Variants in ATRN observed in about 807,000 individuals in gnomAD.
The protein encoded by ATRN is attractin.
In ATRN, 54 loss-of-function variants were observed where a neutral mutation model predicts 178.7. The ratio of observed to expected loss-of-function variants is 0.30; its 90% confidence interval spans 0.24 to 0.38. The LOEUF (loss-of-function observed/expected upper bound fraction) is 0.38. ATRN is among the 10% of genes least tolerant of loss of function. The pLI is 1.00. For missense variants in ATRN, 1,443 were observed against 1,815.1 expected (o/e 0.79, Z 3.73); for synonymous variants, 636 against 663.0 (o/e 0.96, Z 0.63).
chr20:3,620,666 G>C (rs1342600228), intron 24 of ATRN, among the ~76,000 whole-genome samples: 1 of 152,214 alleles, frequency 6.6e-6, no homozygotes, highest in Non-Finnish European at 1.5e-5. Context: ...TTCTGACTTT[G>C]TTGTAAGCTA....
chr20:3,560,702 G>A lies in ATRN; in HGVS notation c.1244G>A (p.Gly415Glu). The A allele has an allele frequency of 6.2e-7, 1 of 1,613,018 alleles. No homozygotes were observed. Reference sequence around the variant, plus strand: ...TATGGAGGAAAAATTGATTCAACTGGGAATGTGACCAATGAGTTGAGAGTT... The same window carrying A: ...TATGGAGGAAAAATTGATTCAACTGAGAATGTGACCAATGAGTTGAGAGTT... The part of the protein sequence containing the change: ...YMYGGKIDST[G>E]NVTNELRVFH... Residue 415 changes from glycine (G) to glutamate (E), a missense_variant, in exon 8 of 29, where the codon GGG (glycine) becomes GAG (glutamate). Gly to Glu is a moderately conservative substitution (Grantham distance 98). Coordinates refer to ENST00000262919, the MANE Select transcript of ATRN (RefSeq NM_139321.3).
chr20:3,637,749 G>T (rs2087036600), intron 26 of ATRN, among the ~76,000 whole-genome samples: 1 of 152,158 alleles, frequency 6.6e-6, no homozygotes, highest in Admixed American at 6.5e-5. Context: ...ATTTCAGAGG[G>T]AGGACACGGA....
chr20:3,573,036 C>G lies in ATRN; in HGVS notation c.2092+85C>G, dbSNP rs138874697. ...TGTGAAGGAACTTAGCATATGTATA[C>G]TTTTTATGTTTACCTTATCCAAAAT... is the stretch of plus-strand genomic sequence containing the variant. On this transcript the variant is annotated intron_variant, in intron 12 of 28. Transcript: ENST00000262919. The G allele has an allele frequency of 3.4e-4, 413 of 1,207,098 alleles. 2 individuals are homozygous for G. In the African/African-American group the frequency reaches 5.8e-3, roughly 17 times the overall value. The allele number at this position is 1,207,098 out of a possible 1,614,324, so 74.8% of individuals were successfully genotyped here. A position where few individuals can be genotyped will look rare whatever the true frequency, so the allele number is the denominator to read the frequency against.
At chr20:3,523,891 C>T (rs2085328813) in intron 1 of ATRN, among the ~76,000 whole-genome samples, 1 of 152,166 alleles carries the variant, frequency 6.6e-6, no homozygotes, top group Non-Finnish European at 1.5e-5. Context: ...ATCACCAGGC[C>T]TGCCTTACAA....
chr20:3,581,679 T>G (rs182363669), intron 15 of ATRN, among the ~76,000 whole-genome samples: 1 of 152,314 alleles, frequency 6.6e-6, no homozygotes, highest in East Asian at 1.9e-4. Context: ...GATTTCAGAT[T>G]AGGGATACTC....
intron 24 of ATRN, among the ~76,000 whole-genome samples, chr20:3,621,450 A>C (rs1396714159): frequency 6.6e-6 from 1 of 152,152 alleles, no homozygotes; most frequent in Non-Finnish European, 1.5e-5. Flanking sequence ...ACACATCCAG[A>C]AGGCCCATGG....
intron 2 of ATRN, among the ~76,000 whole-genome samples, chr20:3,535,624 CACAT>C (rs1160339323): frequency 2.4e-4 from 35 of 143,210 alleles, no homozygotes; most frequent in African/African-American, 5.9e-4. Flanking sequence ...CACACACACA[CACAT>C]ATATATTTAT....
intron 1 of ATRN, among the ~76,000 whole-genome samples, chr20:3,527,077 A>C (rs935659060): frequency 2.0e-5 from 3 of 152,210 alleles, no homozygotes; most frequent in Admixed American, 6.5e-5. Flanking sequence ...AAAATTGACA[A>C]ATGGGATCTA....
chr20:3,555,543 C>T lies in ATRN; in HGVS notation c.1113-3850C>T, dbSNP rs75869918. 1.0e-2 allele frequency among the ~76,000 whole-genome samples: 716 copies of T among 71,688 alleles called. 20 individuals are homozygous for T. In the East Asian group the frequency reaches 0.21, roughly 21 times the overall value. 47.0% of individuals were successfully genotyped at this position (71,688 alleles called of 152,430 possible). On this transcript the variant is annotated intron_variant, in intron 6 of 28. Transcript: ENST00000262919. Reference sequence around the variant, plus strand: ...TTTAAATTAGAATATGATCTGAGCACTGTGGTAGACCACAAAACAAAATCT... The same window carrying T: ...TTTAAATTAGAATATGATCTGAGCATTGTGGTAGACCACAAAACAAAATCT...
intron 8 of ATRN, 58 bp downstream of exon 8, chr20:3,560,963 T>G: frequency 6.4e-7 from 1 of 1,572,810 alleles, no homozygotes; most frequent in Non-Finnish European, 8.7e-7. Context: ...ACCTCTAAGC[T>G]TATTATTTTG....
intron 25 of ATRN, among the ~76,000 whole-genome samples, chr20:3,628,582 C>CTA (rs2086963102): frequency 6.6e-6 from 1 of 152,190 alleles, no homozygotes; most frequent in African/African-American, 2.4e-5. Context: ...CGCCCCTATG[C>CTA]TACCCACCCA....
At chr20:3,599,224 A>G (rs1600144510) in intron 22 of ATRN, among the ~76,000 whole-genome samples, 1 of 152,340 alleles carries the variant, frequency 6.6e-6, no homozygotes, top group Non-Finnish European at 1.5e-5. Context: ...TAACGATTTT[A>G]GAATAAGATT....
chr20:3,519,126 C>A (rs901555320), intron 1 of ATRN, among the ~76,000 whole-genome samples: 7 of 151,890 alleles, frequency 4.6e-5, no homozygotes, highest in Non-Finnish European at 7.4e-5. Context: ...AGCTGCAGAT[C>A]CTGGAAGATG....
intron 13 of ATRN, 55 bp downstream of exon 13, chr20:3,576,003 G>T: frequency 6.3e-7 from 1 of 1,587,104 alleles, no homozygotes; most frequent in Non-Finnish European, 8.6e-7. Context: ...CATAGGTTTA[G>T]CTTTTATAGT....
Position 3,646,939 on chromosome 20 carries a change from G to A in ATRN, c.*92G>A, listed in dbSNP as rs565979882. 21 of 1,482,764 alleles carry A rather than the reference G, an allele frequency of 1.4e-5. No homozygotes were observed. Among genetic ancestry groups the A allele is most frequent in the Middle Eastern group, 2.4e-4 (1 of 4,198 alleles). 91.9% of individuals were successfully genotyped at this position (1,482,764 alleles called of 1,614,324 possible). A position where few individuals can be genotyped will look rare whatever the true frequency, so the allele number is the denominator to read the frequency against. ...GGGCGTGGCGGGGAAATGGCTGTGC[G>A]GTGCGGGACGGAAGACTGGAAACCC... On this transcript the variant is annotated 3_prime_UTR_variant, in exon 29 of 29. Transcript: ENST00000262919.
At chr20:3,502,785 G>A (rs2084982153) in intron 1 of ATRN, among the ~76,000 whole-genome samples, 1 of 152,174 alleles carries the variant, frequency 6.6e-6, no homozygotes, top group African/African-American at 2.4e-5. Context: ...TTCCTCTTCA[G>A]CCCAGAGACA....
chr20:3,629,747 A>G (rs1414515100), intron 25 of ATRN, among the ~76,000 whole-genome samples: 1 of 152,214 alleles, frequency 6.6e-6, no homozygotes, highest in African/African-American at 2.4e-5. Flanking sequence ...CACAGAACTC[A>G]GGAGAGCACT....
intron 25 of ATRN, among the ~76,000 whole-genome samples, chr20:3,626,346 G>A (rs1367489508): frequency 6.6e-6 from 1 of 151,990 alleles, no homozygotes; most frequent in Non-Finnish European, 1.5e-5. Context: ...ATATTGAGAA[G>A]GCTAGTGCTG....
In ATRN at chr20:3,632,286, T is replaced by C. The variant is rs1472401991; in HGVS notation, c.3864-2025T>C. On this transcript the variant is annotated intron_variant, in intron 25 of 28. Transcript: ENST00000262919. The surrounding 1 kb of genome is among the most constrained non-coding windows in gnomAD (Gnocchi z 4.2). ...CCTGATAATGCCATTGCACCTCTAA[T>C]GGTTTTCTCAGCAAACGTTAAATCA... is the stretch of plus-strand genomic sequence containing the variant. 2.6e-5 allele frequency among the ~76,000 whole-genome samples: 4 copies of C among 152,182 alleles called. No individual in the cohort carries two copies. Among genetic ancestry groups the C allele is most frequent in the African/African-American group, 9.7e-5 (4 of 41,436 alleles).
Sources: allele counts gnomAD v4.1 joint callset (sites outside exome capture counted in the v4.1 genomes callset), GRCh38; gene constraint gnomAD v4.1.1; non-coding constraint Gnocchi (gnomAD v3.1); transcripts MANE v1.5; gene names NCBI Gene and HGNC (gene_info 2026-07-23, HGNC 2026-07-21).